OR10H1: variants seen among roughly 807,000 people sequenced by gnomAD.
OR10H1 encodes olfactory receptor 10H1.
A neutral mutation model predicts 13.1 loss-of-function variants in OR10H1; 12 were observed. That is an observed-to-expected ratio of 0.92 (90% confidence interval 0.59 to 1.48). The LOEUF (loss-of-function observed/expected upper bound fraction) is 1.48. Ranked by LOEUF, OR10H1 falls within the 40% of genes most tolerant of loss-of-function variation. The pLI is 0.00. For synonymous variants in OR10H1, 168 were observed against 175.6 expected, an observed-to-expected ratio of 0.96 and a Z score of 0.34; for missense variants, 363 against 413.1, an observed-to-expected ratio of 0.88 and a Z score of 1.05.
At chr19:15,813,474 AAGAGAGAG>A (rs57320070) in intron 1 of OR10H1, among the ~76,000 whole-genome samples, 67 of 138,844 alleles carry the variant, frequency 4.8e-4, no homozygotes, top group East Asian at 2.6e-3. Flanking sequence ...GAGGCAGGGG[AAGAGAGAG>A]AGAGAGAGAG....
At chr19:15,813,353 T>C (rs759526019) in intron 1 of OR10H1, among the ~76,000 whole-genome samples, 3 of 152,086 alleles carry the variant, frequency 2.0e-5, no homozygotes, top group Admixed American at 6.6e-5. Flanking sequence ...CGAGGAGGAT[T>C]TAGAGCTTCT....
intron 3 of OR10H1, 68 bp from the exon 4 acceptor site, chr19:15,808,116 C>A: frequency 7.5e-7 from 1 of 1,334,752 alleles, no homozygotes; most frequent in Non-Finnish European, 1.1e-6. Context: ...TTCCCCATAC[C>A]TGGATTTGCC....
At chr19:15,809,397 C>A (rs1005410582) in intron 2 of OR10H1, among the ~76,000 whole-genome samples, 5 of 152,040 alleles carry the variant, frequency 3.3e-5, no homozygotes, top group African/African-American at 1.2e-4. Context: ...TTCAAGCAAT[C>A]TTCCTACCTC....
At chr19:15,810,909 A>AT (rs2088929370) in intron 2 of OR10H1, among the ~76,000 whole-genome samples, 2 of 146,914 alleles carry the variant, frequency 1.4e-5, no homozygotes, top group Non-Finnish European at 3.0e-5. Flanking sequence ...AAAAATAAAG[A>AT]AAAGAAAATA....
intron 2 of OR10H1, among the ~76,000 whole-genome samples, chr19:15,810,231 T>C (rs370126336): frequency 4.8e-5 from 7 of 146,872 alleles, no homozygotes; most frequent in South Asian, 2.2e-4. Context: ...GAGATGGAGG[T>C]TGCAGTGAGC....
rs1207773949 is a variant in OR10H1, at chr19:15,807,830, C to T, written c.208G>A (p.Glu70Lys). The T allele has an allele frequency of 1.2e-6, 2 of 1,607,222 alleles. No individual in the cohort carries two copies. The highest frequency in any genetic ancestry group is 1.7e-6 in the Non-Finnish European group (2 of 1,174,866). Residue 70 changes from glutamate (E) to lysine (K), a missense_variant, in exon 4 of 4, where the codon GAG becomes AAG. Coordinates refer to ENST00000641419, the MANE Select transcript of OR10H1 (RefSeq NM_013940.4). ...YLFLCALSVS[E>K]ILYTVAIIPR... ...ATGATGGCCACGGTGTAGAGGATCT[C>T]GGAGACGGAGAGGGCGCACAGGAAG...
At position 15,807,922 on chromosome 19, in the gene OR10H1, A is replaced by T. The variant is rs1224049373; in HGVS notation, c.116T>A (p.Leu39Gln). The change falls in exon 4 of 4, where the codon CTG becomes CAG. Residue 39 changes from leucine to glutamine, a missense_variant. Coordinates refer to ENST00000641419, the MANE Select transcript of OR10H1 (RefSeq NM_013940.4). ...GGCCATGATGAGCAGGTTGCCCAGC[A>T]GCGTGAACAGGTACATCAGCAGGAA... is the stretch of plus-strand genomic sequence containing the variant. ...LLFLLMYLFTLLGNLLIMATV... is the reference protein window; with the variant it reads ...LLFLLMYLFTQLGNLLIMATV... The T allele has an allele frequency of 6.2e-7, 1 of 1,614,168 alleles. No individual in the cohort carries two copies. The highest frequency in any genetic ancestry group is 1.3e-5 in the African/African-American group (1 of 75,036).
intron 2 of OR10H1, among the ~76,000 whole-genome samples, chr19:15,810,839 C>T (rs1175215761): frequency 2.0e-5 from 3 of 148,484 alleles, no homozygotes; most frequent in Admixed American, 6.7e-5. Context: ...TAATAAAAGG[C>T]AAATGCAGTG....
At chr19:15,809,475 T>C (rs777941438) in intron 2 of OR10H1, among the ~76,000 whole-genome samples, 48 of 151,998 alleles carry the variant, frequency 3.2e-4, no homozygotes, top group Non-Finnish European at 3.5e-4. Flanking sequence ...TTTTTTATTA[T>C]AGAGATGGCA....
In OR10H1 at chr19:15,807,060, G is replaced by C; in HGVS notation, c.*21C>G. On this transcript the variant is annotated 3_prime_UTR_variant, in exon 4 of 4. Coordinates refer to ENST00000641419, the MANE Select transcript of OR10H1 (RefSeq NM_013940.4). ...CAATAGCCTTCGGTAATCCAATTTA[G>C]TTGTTCCCAGTGAATTTCTCCTACA... 1 of 1,593,618 alleles carries C rather than the reference G, an allele frequency of 6.3e-7. No homozygotes were observed. The highest frequency in any genetic ancestry group is 8.6e-7 in the Non-Finnish European group (1 of 1,165,760).
rs897358891 is a variant in OR10H1 at position 15,804,584 on chromosome 19, A to G, written c.*2497T>C. 60 of 152,110 alleles carry G rather than the reference A, an allele frequency of 3.9e-4. No homozygotes were observed. Among genetic ancestry groups the G allele is most frequent in the African/African-American group, 1.4e-3 (60 of 41,430 alleles). The allele number at this position is 152,110 out of a possible 1,614,324, so 9.4% of individuals were successfully genotyped here. A position where few individuals can be genotyped will look rare whatever the true frequency, so the allele number is the denominator to read the frequency against. On this transcript the variant is annotated 3_prime_UTR_variant, in exon 4 of 4. Coordinates refer to ENST00000641419, the MANE Select transcript of OR10H1 (RefSeq NM_013940.4). ...ATTTTTTATGGCTGCATAGTATTCCATGGTGTATATGTGCCACATTTTCTT... is the reference window on the plus strand; with the variant it reads ...ATTTTTTATGGCTGCATAGTATTCCGTGGTGTATATGTGCCACATTTTCTT...
At position 15,812,888 on chromosome 19, in the gene OR10H1, T is replaced by A. The variant is rs1350556930; in HGVS notation, c.-777-10A>T. 1.3e-5 allele frequency: 2 copies of A among 151,450 alleles called. No individual in the cohort carries two copies. Among genetic ancestry groups the A allele is most frequent in the Non-Finnish European group, 2.9e-5 (2 of 67,896 alleles). The allele number at this position is 151,450 out of a possible 1,614,324, so 9.4% of individuals were successfully genotyped here. A position where few individuals can be genotyped will look rare whatever the true frequency, so the allele number is the denominator to read the frequency against. Reference sequence around the variant, plus strand: ...GGGTAGTCCAGTCATTCTGGAAAAATCAAAACCATGGAGACAGCAAAAGAT... The same window carrying A: ...GGGTAGTCCAGTCATTCTGGAAAAAACAAAACCATGGAGACAGCAAAAGAT... On this transcript the variant is annotated splice_polypyrimidine_tract_variant and intron_variant, in intron 1 of 3. Coordinates refer to ENST00000641419, the MANE Select transcript of OR10H1 (RefSeq NM_013940.4).
chr19:15,807,294 C>G lies in OR10H1; in HGVS notation c.744G>C (p.Val248=). 6.2e-7 allele frequency: 1 copy of G among 1,614,070 alleles called. No homozygotes were observed. The highest frequency in any genetic ancestry group is 8.5e-7 in the Non-Finnish European group (1 of 1,179,960). ...AGGCAAAGCCATAGTGCACGACCAC[C>G]ACAGTGAGGTGAGAGGCACAGGTGG... ...AFSTCASHLT[V]VVVHYGFASV... is the part of the protein sequence containing the mutation. Residue 248 remains valine, a synonymous_variant, in exon 4 of 4, where the codon GTG becomes GTC. Coordinates refer to ENST00000641419, the MANE Select transcript of OR10H1 (RefSeq NM_013940.4).
chr19:15,810,515 T>C (rs141355944), intron 2 of OR10H1, among the ~76,000 whole-genome samples: 8 of 152,192 alleles, frequency 5.3e-5, no homozygotes, highest in African/African-American at 1.2e-4. Context: ...TTCCTGTTTA[T>C]GGCTGAACGA....
chr19:15,811,000 C>G (rs1379091073), intron 2 of OR10H1, among the ~76,000 whole-genome samples: 1 of 152,040 alleles, frequency 6.6e-6, no homozygotes, highest in Non-Finnish European at 1.5e-5. Context: ...GTTCACTTCC[C>G]TTTAAGTGGG....
At chr19:15,809,038 T>C (rs1489880413) in intron 2 of OR10H1, among the ~76,000 whole-genome samples, 197 bp from the exon 3 acceptor site, 2 of 152,066 alleles carry the variant, frequency 1.3e-5, no homozygotes. Context: ...TCTCTAAATC[T>C]GAACCAACCA....
chr19:15,813,633 T>G (rs1432789065), intron 1 of OR10H1, among the ~76,000 whole-genome samples: 1,111 of 62,504 alleles, frequency 0.018, no homozygotes, highest in South Asian at 0.02. Context: ...GAGAGAGAGA[T>G]GGAGGGAGAG....
rs1218091086 is a variant in OR10H1 at position 15,804,682 on chromosome 19, C to T, written c.*2399G>A. Reference sequence around the variant, plus strand: ...CTACTGTGAATAGTGCTGCAGTAAACATGTGTGCATGTGTCTTTATAGCAG... The same window carrying T: ...CTACTGTGAATAGTGCTGCAGTAAATATGTGTGCATGTGTCTTTATAGCAG... On this transcript the variant is annotated 3_prime_UTR_variant, in exon 4 of 4. Transcript: ENST00000641419. 2 of 152,172 alleles carry T rather than the reference C, an allele frequency of 1.3e-5. No individual in the cohort carries two copies. The highest frequency in any genetic ancestry group is 3.8e-4 in the East Asian group (2 of 5,198). 9.4% of individuals were successfully genotyped at this position (152,172 alleles called of 1,614,324 possible).
At chr19:15,809,379 C>G (rs1029474170) in intron 2 of OR10H1, among the ~76,000 whole-genome samples, 5 of 152,080 alleles carry the variant, frequency 3.3e-5, no homozygotes, top group South Asian at 2.1e-4. Flanking sequence ...CAACCTCAAA[C>G]TCCTGGATTC....
Sources: allele counts gnomAD v4.1 joint callset (sites outside exome capture counted in the v4.1 genomes callset), GRCh38; gene constraint gnomAD v4.1.1; transcripts MANE v1.5; gene names NCBI Gene and HGNC (gene_info 2026-07-23, HGNC 2026-07-21).